Variants in OTUD7A observed in about 807,000 individuals in gnomAD.
The protein encoded by OTUD7A is OTU deubiquitinase 7A, also known as OTU domain-containing protein 7A.
OTUD7A carries 12 observed loss-of-function variants against 65.7 expected under a neutral mutation model. The observed-to-expected ratio is 0.18, with a 90% confidence interval of 0.12 to 0.30. The LOEUF is 0.30. OTUD7A is among the 10% of genes least tolerant of loss of function. OTUD7A has a pLI of 1.00. For missense variants in OTUD7A, 1,148 were observed against 1,304.8 expected, an observed-to-expected ratio of 0.88 and a Z score of 1.85; for synonymous variants, 641 against 586.3, an observed-to-expected ratio of 1.09 and a Z score of -1.35.
At chr15:31,657,604 G>A (rs35601424) in intron 1 of OTUD7A, among the ~76,000 whole-genome samples, 5 of 150,470 alleles carry the variant, frequency 3.3e-5, no homozygotes, top group East Asian at 2.0e-4. Context: ...CTTGTGATCC[G>A]CTCACCTCAG....
intron 1 of OTUD7A, among the ~76,000 whole-genome samples, chr15:31,774,580 T>C (rs535942647): frequency 1.1e-3 from 170 of 152,292 alleles, no homozygotes; most frequent in South Asian, 2.5e-3. Flanking sequence ...CATGTTAGTA[T>C]CAGGCACATA....
chr15:31,817,673 C>T (rs770409365), intron 1 of OTUD7A, among the ~76,000 whole-genome samples: 4 of 152,258 alleles, frequency 2.6e-5, no homozygotes, highest in Admixed American at 2.6e-4. Context: ...CTGCCCACAA[C>T]TAAGGTGATG....
intron 1 of OTUD7A, among the ~76,000 whole-genome samples, chr15:31,738,379 T>C (rs1371378846): frequency 1.3e-5 from 2 of 152,042 alleles, no homozygotes; most frequent in Non-Finnish European, 1.5e-5. Flanking sequence ...GACCTGAGCA[T>C]GCAATAAGTC....
Position 31,484,112 on chromosome 15 carries a change from C to A in OTUD7A, c.1984G>T (p.Gly662Cys). ...HRHQFHEEMI[G>C]YYLTSAQERF... ...TCCTGCGCGCTCGTCAGGTAGTAGC[C>A]GATCATCTCCTCGTGGAACTGGTGC... is the stretch of plus-strand genomic sequence containing the variant. Residue 662 changes from glycine to cysteine, a missense_variant, in exon 13 of 13, where the codon GGC (glycine) becomes TGC (cysteine). By Grantham distance (159) the Gly-to-Cys change is radical (BLOSUM62 -3). Transcript: ENST00000307050. This position sits in a 1 kb window ranked among gnomAD's most constrained non-coding sequence, Gnocchi z 4.5. 6.2e-7 allele frequency: 1 copy of A among 1,606,242 alleles called. No individual in the cohort carries two copies.
At chr15:31,767,996 C>A (rs1369818465) in intron 1 of OTUD7A, 43 of 1,589,266 alleles carry the variant, frequency 2.7e-5, no homozygotes, top group Middle Eastern at 1.7e-4. Flanking sequence ...CAGTTGTTGC[C>A]TTGTAACTTC....
chr15:31,599,865 G>C (rs1372381710), intron 3 of OTUD7A, among the ~76,000 whole-genome samples: 1 of 152,032 alleles, frequency 6.6e-6, no homozygotes, highest in Admixed American at 6.6e-5. Flanking sequence ...CAATAGCCGA[G>C]TCGATCAAGC....
intron 10 of OTUD7A, among the ~76,000 whole-genome samples, chr15:31,494,390 G>A (rs2041356553): frequency 6.6e-6 from 1 of 152,078 alleles, no homozygotes; most frequent in Non-Finnish European, 1.5e-5. Flanking sequence ...ACCCTTACCA[G>A]ACTCCAAATC....
chr15:31,630,565 T>C (rs1415527697), intron 3 of OTUD7A, among the ~76,000 whole-genome samples: 3 of 152,178 alleles, frequency 2.0e-5, no homozygotes, highest in South Asian at 2.1e-4. Context: ...TATATTCTGT[T>C]GATTTGGGGT....
At chr15:31,506,158 T>C (rs1468599867) in intron 8 of OTUD7A, among the ~76,000 whole-genome samples, 2 of 152,138 alleles carry the variant, frequency 1.3e-5, no homozygotes, top group Non-Finnish European at 2.9e-5. Context: ...GCTTTTGTTA[T>C]AGTTTTGTTA....
intron 1 of OTUD7A, among the ~76,000 whole-genome samples, chr15:31,680,898 C>G (rs1435806551): frequency 4.0e-5 from 6 of 151,016 alleles, no homozygotes; most frequent in Non-Finnish European, 8.8e-5. Context: ...CAAGTGTGGT[C>G]TTTAGGAAGT....
intron 1 of OTUD7A, among the ~76,000 whole-genome samples, chr15:31,791,441 C>T (rs796973830): frequency 3.3e-5 from 5 of 152,216 alleles, no homozygotes; most frequent in African/African-American, 1.2e-4. Context: ...CATCATCCCA[C>T]CTTCTATTTT....
chr15:31,814,926 A>C (rs1357955633), intron 1 of OTUD7A, among the ~76,000 whole-genome samples: 1 of 152,150 alleles, frequency 6.6e-6, no homozygotes, highest in East Asian at 1.9e-4. Flanking sequence ...ATTATACCAC[A>C]GCTCTGAGTA....
intron 8 of OTUD7A, among the ~76,000 whole-genome samples, chr15:31,518,521 G>GTGA (rs2041893885): frequency 6.6e-6 from 1 of 152,056 alleles, no homozygotes; most frequent in Admixed American, 6.5e-5. Context: ...ACGTATGAAT[G>GTGA]TGAGTAAATG....
chr15:31,719,596 C>A (rs1333717676), intron 1 of OTUD7A, among the ~76,000 whole-genome samples: 6 of 152,198 alleles, frequency 3.9e-5, no homozygotes, highest in Admixed American at 3.9e-4. Flanking sequence ...TCATTCCTCC[C>A]TTGCAATACT....
chr15:31,766,235 G>A (rs1274953533), intron 1 of OTUD7A: 45 of 1,544,716 alleles, frequency 2.9e-5, no homozygotes, highest in Non-Finnish European at 3.7e-5. Flanking sequence ...ATTGAGAAAC[G>A]GTATGTATCA....
At chr15:31,523,103 CG>C (rs1301125418) in intron 8 of OTUD7A, among the ~76,000 whole-genome samples, 1 of 152,222 alleles carries the variant, frequency 6.6e-6, no homozygotes, top group Non-Finnish European at 1.5e-5. Context: ...TTCCTATTCC[CG>C]GGTGGCACCC....
intron 1 of OTUD7A, among the ~76,000 whole-genome samples, chr15:31,825,396 C>T (rs1896774322): frequency 6.6e-6 from 1 of 152,110 alleles, no homozygotes; most frequent in South Asian, 2.1e-4. Context: ...AAGTGGAAAC[C>T]CCTGATAAAA....
At chr15:31,499,296 T>C (rs2041429640) in intron 10 of OTUD7A, among the ~76,000 whole-genome samples, 1 of 152,046 alleles carries the variant, frequency 6.6e-6, no homozygotes, top group Non-Finnish European at 1.5e-5. Context: ...TGTCACAGGG[T>C]GCTGTTTATA....
intron 5 of OTUD7A, among the ~76,000 whole-genome samples, chr15:31,542,793 C>T (rs115611519): frequency 0.032 from 4,806 of 151,272 alleles, 259 homozygotes; most frequent in African/African-American, 0.11. Context: ...TGACAGCCTA[C>T]CTCTTCAAAG....
Sources: gnomAD v4.1 joint callset for allele counts (sites outside exome capture counted in the v4.1 genomes callset) on GRCh38, gnomAD v4.1.1 for gene constraint, Gnocchi (gnomAD v3.1) non-coding constraint, MANE v1.5 for transcripts, NCBI Gene and HGNC (gene_info 2026-07-23, HGNC 2026-07-21) for gene names.